Variants in INSC observed in about 807,000 individuals in gnomAD.
INSC encodes protein inscuteable homolog.
A neutral mutation model predicts 58.6 loss-of-function variants in INSC; 67 were observed. The ratio of observed to expected loss-of-function variants is 1.14; its 90% CI spans 0.94 to 1.40. The LOEUF is 1.40. INSC is among the 40% of genes most tolerant of loss of function. INSC has a pLI of 0.00. For synonymous variants in INSC, 262 were observed against 276.1 expected (o/e 0.95, Z 0.51); for missense variants, 714 against 692.0 (o/e 1.03, Z -0.36).
At chr11:15,203,291 C>T (rs1340198404) in intron 7 of INSC, among the ~76,000 whole-genome samples, 1 of 152,162 alleles carries the variant, frequency 6.6e-6, no homozygotes, top group East Asian at 1.9e-4. Flanking sequence ...CTGTGCTAAC[C>T]CCTCACATCC....
At chr11:15,143,282 A>G (rs1848415991) in intron 1 of INSC, among the ~76,000 whole-genome samples, 2 of 152,146 alleles carry the variant, frequency 1.3e-5, no homozygotes, top group Non-Finnish European at 2.9e-5. Context: ...TCTTATAATG[A>G]AGGACATGAC....
At chr11:15,216,753 T>C (rs1851234816) in intron 7 of INSC, among the ~76,000 whole-genome samples, 1 of 152,154 alleles carries the variant, frequency 6.6e-6, no homozygotes, top group African/African-American at 2.4e-5. Context: ...TGGTGAGGTC[T>C]CAGTTCCAAA....
intron 2 of INSC, among the ~76,000 whole-genome samples, chr11:15,170,341 T>A (rs1042853806): frequency 6.6e-6 from 1 of 152,198 alleles, no homozygotes; most frequent in African/African-American, 2.4e-5. Flanking sequence ...TTAGTCCTCA[T>A]GTCTCCTTAG....
intron 1 of INSC, among the ~76,000 whole-genome samples, chr11:15,116,805 T>TTTTCTTTCTTTC (rs1283336885): frequency 0.012 from 230 of 19,974 alleles, 49 homozygotes; most frequent in East Asian, 0.019. Context: ...CTTTTCTTTC[T>TTTTCTTTCTTTC]TTTCTTTCTT....
At chr11:15,171,051 G>A (rs1210982867) in intron 2 of INSC, among the ~76,000 whole-genome samples, 2 of 152,200 alleles carry the variant, frequency 1.3e-5, no homozygotes, top group East Asian at 1.9e-4. Context: ...TATACCTCCT[G>A]TGTGCATTGG....
intron 2 of INSC, among the ~76,000 whole-genome samples, chr11:15,165,693 T>G (rs1373146251): frequency 6.6e-6 from 1 of 152,040 alleles, no homozygotes; most frequent in African/African-American, 2.4e-5. Flanking sequence ...AATGTAACAG[T>G]CTGAGATGTC....
At chr11:15,135,979 G>A (rs1235186065) in intron 1 of INSC, among the ~76,000 whole-genome samples, 1 of 152,116 alleles carries the variant, frequency 6.6e-6, no homozygotes, top group Non-Finnish European at 1.5e-5. Context: ...AGGTAGAAGG[G>A]CCAAGAAAGT....
chr11:15,186,379 A>G (rs1849969155), intron 5 of INSC, among the ~76,000 whole-genome samples: 1 of 151,962 alleles, frequency 6.6e-6, no homozygotes, highest in Admixed American at 6.6e-5. Context: ...CTCTTTCCTA[A>G]CTTATAGAGT....
rs764135896 is a variant in INSC at position 15,175,874 on chromosome 11, C to T, written c.190C>T (p.Leu64=). The change falls in exon 3 of 13, where the codon CTG becomes TTG. Residue 64 remains leucine, a synonymous_variant. Coordinates refer to ENST00000379556, the MANE Select transcript of INSC (RefSeq NM_001042536.3). Reference sequence around the variant, plus strand: ...AGAGGATGCACAGGGTGACCTCATCCTGGCAGGTGGCCCTGGCCCTGGAGA... The same window carrying T: ...AGAGGATGCACAGGGTGACCTCATCTTGGCAGGTGGCCCTGGCCCTGGAGA... ...LEEDAQGDLI[L]AGGPGPGDPL... is the part of the protein sequence containing the mutation. 10 of 1,614,098 alleles carry T rather than the reference C, an allele frequency of 6.2e-6. No homozygotes were observed. In the Admixed American group the frequency reaches 1.3e-4, roughly 22 times the overall value.
At position 15,138,487 on chromosome 11, in the gene INSC, A is replaced by T. The variant is rs145515203; in HGVS notation, c.-45-10643A>T. 4.1e-4 allele frequency among the ~76,000 whole-genome samples: 62 copies of T among 152,330 alleles called. No individual in the cohort carries two copies. The East Asian group carries it at 0.012, about 28-fold the overall frequency. ...TTTCAACCTATGAGCTTTGGAGGGG[A>T]AACACTGAGCCACAGCAATCTCTAT... On this transcript the variant is annotated intron_variant, in intron 1 of 12. Transcript: ENST00000379556.
chr11:15,260,097 A>T, the INSC span, among the ~76,000 whole-genome samples: 1 of 152,116 alleles, frequency 6.6e-6, no homozygotes, highest in Non-Finnish European at 1.5e-5. Context: ...AGTGGAGAGG[A>T]TCTTACCCAA....
At chr11:15,115,515 C>T (rs1847670570) in intron 1 of INSC, among the ~76,000 whole-genome samples, 1 of 152,178 alleles carries the variant, frequency 6.6e-6, no homozygotes, top group African/African-American at 2.4e-5. Context: ...GCTTTGGTTT[C>T]TCAGGGCTTG....
chr11:15,265,520 G>C, the INSC span, among the ~76,000 whole-genome samples: 66 of 151,196 alleles, frequency 4.4e-4, no homozygotes, highest in South Asian at 1.5e-3. Flanking sequence ...AGTCAGCTTG[G>C]GTAAATTGTA....
intron 9 of INSC, among the ~76,000 whole-genome samples, chr11:15,234,290 G>A (rs1852037251): frequency 6.6e-6 from 1 of 152,036 alleles, no homozygotes; most frequent in South Asian, 2.1e-4. Flanking sequence ...CAAAGAATGT[G>A]GAATCCCCTT....
At chr11:15,230,751 A>G (rs1039667023) in intron 9 of INSC, among the ~76,000 whole-genome samples, 2 of 152,218 alleles carry the variant, frequency 1.3e-5, no homozygotes, top group Non-Finnish European at 2.9e-5. Context: ...CCCAACATTC[A>G]TGTAATCCCT....
Position 15,190,720 on chromosome 11 carries a change from A to G in INSC, c.599A>G (p.Asp200Gly). Residue 200 changes from aspartate to glycine, a missense_variant, in exon 6 of 13, where the codon GAT becomes GGT. By Grantham distance (94) the Asp-to-Gly change is moderately conservative. Transcript: ENST00000379556. ...REVQALVRKI[D>G]ASDNIYTTES... ...TCTTAGGCACTGGTGAGAAAAATTG[A>G]TGCCTCAGACAATATCTACACCACA... 1 of 1,613,330 alleles carries G rather than the reference A, an allele frequency of 6.2e-7. No homozygotes were observed.
intron 5 of INSC, 122 bp downstream of exon 5, chr11:15,178,569 A>T: frequency 1.7e-6 from 2 of 1,202,008 alleles, no homozygotes; most frequent in Non-Finnish European, 2.3e-6. Flanking sequence ...GAAACATCTT[A>T]CTCAAACCAC....
intron 7 of INSC, among the ~76,000 whole-genome samples, chr11:15,203,614 C>T (rs1589965189): frequency 2.6e-5 from 4 of 152,312 alleles, no homozygotes; most frequent in Admixed American, 2.6e-4. Context: ...TGAAATCATA[C>T]ATTATGTAAT....
chr11:15,201,213 A>T (rs1382609693), intron 7 of INSC, among the ~76,000 whole-genome samples: 1 of 152,088 alleles, frequency 6.6e-6, no homozygotes, highest in African/African-American at 2.4e-5. Flanking sequence ...ACAACTGGGG[A>T]GACTCCTGTG....
Sources: allele counts gnomAD v4.1 joint callset (sites outside exome capture counted in the v4.1 genomes callset), GRCh38; gene constraint gnomAD v4.1.1; transcripts MANE v1.5; gene names NCBI Gene and HGNC (gene_info 2026-07-23, HGNC 2026-07-21).